SLC20A2: variants seen among roughly 807,000 people sequenced by gnomAD.
SLC20A2 encodes the protein sodium-dependent phosphate transporter 2.
SLC20A2 carries 30 observed loss-of-function variants against 61.0 expected under a neutral mutation model. The observed-to-expected ratio is 0.49, with a 90% CI of 0.37 to 0.67. The LOEUF is 0.67. Among genes scored for constraint, SLC20A2 ranks in the 30% least tolerant of loss-of-function variants. The probability of loss-of-function intolerance (pLI) is 0.00; values close to 1 mark genes in which losing one functional copy is unlikely to be tolerated. For missense variants in SLC20A2, 626 were observed against 866.4 expected, an observed-to-expected ratio of 0.72 and a Z score of 3.48; for synonymous variants, 351 against 353.3, an observed-to-expected ratio of 0.99 and a Z score of 0.07.
intron 1 of SLC20A2, among the ~76,000 whole-genome samples, chr8:42,518,889 G>T (rs1169785583): frequency 1.3e-5 from 2 of 152,172 alleles, no homozygotes; most frequent in Non-Finnish European, 2.9e-5. Flanking sequence ...GCACTATTCT[G>T]CTGTACATAT....
At chr8:42,435,040 T>A (rs1804147012) in intron 8 of SLC20A2, among the ~76,000 whole-genome samples, 1 of 152,180 alleles carries the variant, frequency 6.6e-6, no homozygotes, top group Non-Finnish European at 1.5e-5. Context: ...AGGACCCAGT[T>A]CCTAGCGCTC....
intron 1 of SLC20A2, among the ~76,000 whole-genome samples, chr8:42,496,110 G>A (rs970520844): frequency 3.3e-5 from 5 of 152,150 alleles, no homozygotes; most frequent in African/African-American, 1.2e-4. Flanking sequence ...GGTAGGGCGG[G>A]TCTTTTTCAG....
At chr8:42,534,780 C>G (rs1352417308) in intron 1 of SLC20A2, 1 of 152,166 alleles carries the variant, frequency 6.6e-6, no homozygotes, top group African/African-American at 2.4e-5. Flanking sequence ...ATTCAGCACA[C>G]GACACCCTTT....
chr8:42,513,135 T>G (rs532241658), intron 1 of SLC20A2, among the ~76,000 whole-genome samples: 3 of 152,278 alleles, frequency 2.0e-5, no homozygotes, highest in African/African-American at 4.8e-5. Flanking sequence ...AATTCTGAGA[T>G]GCATGGAGGA....
intron 1 of SLC20A2, among the ~76,000 whole-genome samples, chr8:42,479,701 T>C (rs559315256): frequency 5.3e-5 from 8 of 152,206 alleles, no homozygotes; most frequent in Admixed American, 2.0e-4. Flanking sequence ...AGTGTGCATC[T>C]GTAATCCCAG....
intron 4 of SLC20A2, among the ~76,000 whole-genome samples, chr8:42,462,338 C>G (rs1806776326): frequency 6.6e-6 from 1 of 152,188 alleles, no homozygotes; most frequent in South Asian, 2.1e-4. Flanking sequence ...AAGAAAAGGG[C>G]TGCGCCAGCT....
chr8:42,437,029 C>T lies in SLC20A2; in HGVS notation c.1483G>A (p.Ala495Thr). 2.5e-6 allele frequency: 4 copies of T among 1,612,136 alleles called. No homozygotes were observed. The highest frequency in any genetic ancestry group is 3.4e-6 in the Non-Finnish European group (4 of 1,178,986). Reference protein sequence around the residue: ...LLFHFLQVLTACFGSFAHGGN... With the variant: ...LLFHFLQVLTTCFGSFAHGGN... ...CCGTGAGCAAAGGACCCGAAACAGGCGGTGAGGACCTGCAGGAAATGGAAC... is the reference window on the plus strand; with the variant it reads ...CCGTGAGCAAAGGACCCGAAACAGGTGGTGAGGACCTGCAGGAAATGGAAC... Residue 495 changes from alanine (A) to threonine (T), a missense_variant, in exon 8 of 11, where the codon GCC (alanine) becomes ACC (threonine). Around this residue, in one of 3 missense-constraint regions of SLC20A2, gnomAD observed 138 missense variants for 228.7 expected, o/e 0.60. Transcript: ENST00000520262. The surrounding 1 kb of genome is among the most constrained non-coding windows in gnomAD (Gnocchi z 6.4).
intron 10 of SLC20A2, chr8:42,419,683 T>C: frequency 1.0e-6 from 1 of 969,028 alleles, no homozygotes; most frequent in East Asian, 1.1e-4. Context: ...TAATACATAA[T>C]GACAAATAGT....
intron 1 of SLC20A2, among the ~76,000 whole-genome samples, chr8:42,520,419 T>TCCTGGGCCCA (rs1178876049): frequency 2.4e-5 from 3 of 124,764 alleles, no homozygotes; most frequent in African/African-American, 2.5e-5. Flanking sequence ...TACAAAGAAT[T>TCCTGGGCCCA]GATATTTTAA....
At chr8:42,527,561 T>G (rs1335663883) in intron 1 of SLC20A2, among the ~76,000 whole-genome samples, 1 of 151,936 alleles carries the variant, frequency 6.6e-6, no homozygotes, top group African/African-American at 2.4e-5. Context: ...GCGGATCACC[T>G]GAGGTTGGGA....
upstream of SLC20A2, chr8:42,501,386 A>AG (rs1304547398): frequency 4.6e-5 from 7 of 152,332 alleles, no homozygotes; most frequent in African/African-American, 1.7e-4. Flanking sequence ...ACTTCTTTTA[A>AG]GTTGTTTTTG....
Position 42,472,465 on chromosome 8 carries a change from C to G in SLC20A2, c.-75G>C, listed in dbSNP as rs1245088537. On this transcript the variant is annotated 5_prime_UTR_variant, in exon 2 of 11. Transcript: ENST00000520262. This position sits in a 1 kb window ranked among gnomAD's most constrained non-coding sequence, Gnocchi z 4.1. ...AAACAAAGCTTGAGGTTATAAACTT[C>G]GTAAGGCCAAGAGTTCTTGTAAACA... The G allele has an allele frequency of 1.5e-6, 2 of 1,370,636 alleles. No individual in the cohort carries two copies. Among genetic ancestry groups the G allele is most frequent in the African/African-American group, 2.9e-5 (2 of 68,956 alleles). 84.9% of individuals were successfully genotyped at this position (1,370,636 alleles called of 1,614,324 possible). A position where few individuals can be genotyped will look rare whatever the true frequency, so the allele number is the denominator to read the frequency against.
At chr8:42,528,561 T>A (rs1812124592) in intron 1 of SLC20A2, among the ~76,000 whole-genome samples, 1 of 152,202 alleles carries the variant, frequency 6.6e-6, no homozygotes, top group Admixed American at 6.5e-5. Flanking sequence ...GAAAAGTGGT[T>A]GAAAGCACAG....
At chr8:42,433,738 A>C (rs934398482) in intron 8 of SLC20A2, among the ~76,000 whole-genome samples, 1 of 152,218 alleles carries the variant, frequency 6.6e-6, no homozygotes, top group Non-Finnish European at 1.5e-5. Flanking sequence ...GCATGGACAT[A>C]ATTTGTTTCC....
chr8:42,444,932 T>C (rs545678601), intron 5 of SLC20A2, among the ~76,000 whole-genome samples, 170 bp from the exon 6 acceptor site: 1 of 152,390 alleles, frequency 6.6e-6, no homozygotes, highest in South Asian at 2.1e-4. Context: ...GAAAGCTGTA[T>C]GTTCAAGACA....
At chr8:42,506,335 T>C (rs1810705154) in intron 1 of SLC20A2, among the ~76,000 whole-genome samples, 1 of 152,186 alleles carries the variant, frequency 6.6e-6, no homozygotes, top group Admixed American at 6.5e-5. Flanking sequence ...CTCGAGCAAT[T>C]GAGCTCACCT....
chr8:42,530,104 A>C (rs376399604), intron 1 of SLC20A2, among the ~76,000 whole-genome samples: 246 of 152,222 alleles, frequency 1.6e-3, no homozygotes, highest in African/African-American at 5.6e-3. Flanking sequence ...TTCCAAGCCA[A>C]ACAACCTGGG....
chr8:42,527,557 C>T (rs1363505306), intron 1 of SLC20A2, among the ~76,000 whole-genome samples: 1 of 152,032 alleles, frequency 6.6e-6, no homozygotes, highest in Non-Finnish European at 1.5e-5. Flanking sequence ...GAGGGCGGAT[C>T]ACCTGAGGTT....
intron 1 of SLC20A2, among the ~76,000 whole-genome samples, chr8:42,493,665 G>C (rs986196785): frequency 6.6e-6 from 1 of 152,176 alleles, no homozygotes; most frequent in Non-Finnish European, 1.5e-5. Flanking sequence ...AATCAGATCA[G>C]ATTATAGAGT....
Sources: gnomAD v4.1 joint callset for allele counts (sites outside exome capture counted in the v4.1 genomes callset) on GRCh38, gnomAD v4.1.1 for gene constraint, gnomAD v4.1.1 regional missense constraint, Gnocchi (gnomAD v3.1) non-coding constraint, MANE v1.5 for transcripts, NCBI Gene and HGNC (gene_info 2026-07-23, HGNC 2026-07-21) for gene names.